Variants in HSPA12A observed in about 807,000 individuals in gnomAD.
The protein encoded by HSPA12A is heat shock 70 kDa protein 12A.
In HSPA12A, 28 loss-of-function variants were observed where a neutral mutation model predicts 69.2. The observed-to-expected ratio is 0.40, with a 90% CI of 0.30 to 0.55. HSPA12A has a LOEUF of 0.55. Ranked by LOEUF, HSPA12A falls within the 20% of genes least tolerant of loss-of-function variation. HSPA12A has a pLI of 0.38. For synonymous variants in HSPA12A, 345 were observed against 370.5 expected (o/e 0.93, Z 0.79); for missense variants, 686 against 900.7 (o/e 0.76, Z 3.05).
intron 2 of HSPA12A, among the ~76,000 whole-genome samples, chr10:116,798,872 G>A (rs7909152): frequency 0.54 from 82,376 of 151,720 alleles, 22,550 homozygotes; most frequent in East Asian, 0.64. Flanking sequence ...TAATCCCCCT[G>A]TGAACTGACC....
intron 1 of HSPA12A, among the ~76,000 whole-genome samples, chr10:116,727,770 GT>G (rs1489615337): frequency 2.2e-5 from 1 of 45,982 alleles, no homozygotes; most frequent in Non-Finnish European, 5.2e-5. Context: ...TTTTTTTTTG[GT>G]TTTTTGGAAA....
At chr10:116,828,619 AAAC>A (rs1845555153) in intron 2 of HSPA12A, 1 of 152,200 alleles carries the variant, frequency 6.6e-6, no homozygotes, top group African/African-American at 2.4e-5. Flanking sequence ...GCCCAGCATG[AAAC>A]AAAAATACAG....
At chr10:116,712,487 G>A (rs1323782273) in intron 1 of HSPA12A, among the ~76,000 whole-genome samples, 1 of 152,108 alleles carries the variant, frequency 6.6e-6, no homozygotes, top group Admixed American at 6.6e-5. Context: ...GGTCTTATTG[G>A]TTTAAGGATT....
chr10:116,711,004 AT>A, intron 1 of HSPA12A, among the ~76,000 whole-genome samples: 1 of 152,064 alleles, frequency 6.6e-6, no homozygotes, highest in Non-Finnish European at 1.5e-5. Context: ...TAGGTAAATG[AT>A]CAGAAATAAA....
chr10:116,808,796 T>G (rs888964975), intron 2 of HSPA12A, among the ~76,000 whole-genome samples: 8 of 152,212 alleles, frequency 5.3e-5, no homozygotes, highest in Admixed American at 4.6e-4. Context: ...CATCTGATGC[T>G]CCACAGCTCA....
chr10:116,767,028 C>T (rs61753068), intron 2 of HSPA12A, among the ~76,000 whole-genome samples: 3,209 of 152,204 alleles, frequency 0.021, 106 homozygotes, highest in African/African-American at 0.071. Context: ...CTGGGGTCTG[C>T]CCCTGCAGTT....
intron 2 of HSPA12A, among the ~76,000 whole-genome samples, chr10:116,828,456 C>T (rs925713443): frequency 6.6e-6 from 1 of 152,198 alleles, no homozygotes; most frequent in African/African-American, 2.4e-5. Context: ...AGCCCAGACT[C>T]CTTTCTTAAA....
intron 2 of HSPA12A, among the ~76,000 whole-genome samples, chr10:116,760,436 C>T (rs1171251192): frequency 1.3e-5 from 2 of 152,116 alleles, no homozygotes; most frequent in African/African-American, 4.8e-5. Flanking sequence ...TCATAGCAAT[C>T]CTCTGACTAG....
At chr10:116,789,111 C>A (rs1032540577) in intron 2 of HSPA12A, among the ~76,000 whole-genome samples, 2 of 152,114 alleles carry the variant, frequency 1.3e-5, no homozygotes, top group Admixed American at 1.3e-4. Context: ...GGTGATCCAC[C>A]CACCTTGGCC....
At position 116,742,421 on chromosome 10, in the gene HSPA12A, TG is replaced by T; in HGVS notation, c.40+8del. 7.0e-7 allele frequency: 1 copy of T among 1,433,762 alleles called. No individual in the cohort carries two copies. The highest frequency in any genetic ancestry group is 9.1e-7 in the Non-Finnish European group (1 of 1,095,414). The allele number at this position is 1,433,762 out of a possible 1,614,324, so 88.8% of individuals were successfully genotyped here. ...AGCCGCGGCCGCAGGACCCGCAGCCTGCGCTCACCTCGGGGCCCGTCGCTGC... is the reference window on the plus strand; with the variant it reads ...AGCCGCGGCCGCAGGACCCGCAGCCTCGCTCACCTCGGGGCCCGTCGCTGC... On this transcript the variant is annotated splice_region_variant and intron_variant, in intron 1 of 11. Transcript: ENST00000369209.
In HSPA12A at chr10:116,757,409, C is replaced by T. The variant is rs1554888876; in HGVS notation, c.92-50124G>A. On this transcript the variant is annotated intron_variant, in intron 2 of 12. Coordinates refer to the HSPA12A transcript ENST00000635765. The stretch of plus-strand genomic sequence containing the variant: ...ACCAGAAACCGTCCATGTAGGGCGA[C>T]GCTGAGTGTACCCGTGTAGACAACC... Among the ~76,000 whole-genome samples, 7 of 152,318 alleles carry T rather than the reference C, an allele frequency of 4.6e-5. No homozygotes were observed. The Middle Eastern group carries it at 0.01, about 222-fold the overall frequency.
chr10:116,840,469 A>T (rs899271815), intron 1 of HSPA12A, among the ~76,000 whole-genome samples: 2 of 152,148 alleles, frequency 1.3e-5, no homozygotes, highest in Non-Finnish European at 2.9e-5. Context: ...TTTGTATTTG[A>T]TTCTGTATTC....
At chr10:116,836,766 C>T (rs1295786647) in intron 1 of HSPA12A, among the ~76,000 whole-genome samples, 2 of 132,118 alleles carry the variant, frequency 1.5e-5, no homozygotes, top group African/African-American at 6.0e-5. Flanking sequence ...GTAAACGAAC[C>T]GAACACACAC....
chr10:116,832,746 GC>G (rs1259856355), intron 2 of HSPA12A: 1 of 152,186 alleles, frequency 6.6e-6, no homozygotes, highest in Non-Finnish European at 1.5e-5. Flanking sequence ...GCAGAACAGC[GC>G]ATGGTCTCCA....
chr10:116,821,423 C>A (rs987699606), intron 2 of HSPA12A, among the ~76,000 whole-genome samples: 21 of 152,174 alleles, frequency 1.4e-4, no homozygotes, highest in African/African-American at 5.1e-4. Context: ...TGCTCAGATG[C>A]CACCTTCTCA....
chr10:116,841,077 ATCCAAACCTCACTT>A (rs1342843093), intron 1 of HSPA12A, among the ~76,000 whole-genome samples: 1 of 152,188 alleles, frequency 6.6e-6, no homozygotes, highest in Non-Finnish European at 1.5e-5. Flanking sequence ...GATACTTCTA[ATCCAAACCTCACTT>A]TTGCCTCAAT....
chr10:116,843,991 G>A (rs1589737246), intron 1 of HSPA12A, among the ~76,000 whole-genome samples: 3 of 152,182 alleles, frequency 2.0e-5, no homozygotes, highest in Admixed American at 1.3e-4. Flanking sequence ...ACCACTTACT[G>A]AGAGTTCTTT....
Position 116,679,610 on chromosome 10 carries a change from A to G in HSPA12A, c.1179T>C (p.Ala393=). 1 of 1,614,272 alleles carries G rather than the reference A, an allele frequency of 6.2e-7. No homozygotes were observed. Among genetic ancestry groups the G allele is most frequent in the South Asian group, 1.1e-5 (1 of 91,090 alleles). ...MIAFESRKRA[A]APDRTNPLNI... ...TCAGCGGGTTAGTTCTGTCTGGGGC[A>G]GCCGCCCTTTTGCGAGACTCAAACG... Residue 393 remains alanine, a synonymous_variant, in exon 10 of 12, where the codon GCT becomes GCC. Coordinates refer to ENST00000369209, the MANE Select transcript of HSPA12A (RefSeq NM_025015.3).
chr10:116,846,045 G>T (rs1193577297), intron 1 of HSPA12A, among the ~76,000 whole-genome samples: 1 of 152,148 alleles, frequency 6.6e-6, no homozygotes, highest in African/African-American at 2.4e-5. Context: ...TCCATGAAGA[G>T]AAGGAATTTA....
Sources: gnomAD v4.1 joint callset for allele counts (sites outside exome capture counted in the v4.1 genomes callset) on GRCh38, gnomAD v4.1.1 for gene constraint, MANE v1.5 for transcripts, NCBI Gene and HGNC (gene_info 2026-07-23, HGNC 2026-07-21) for gene names.